TLE2: variants seen among roughly 807,000 people sequenced by gnomAD.
TLE2 encodes the protein transducin-like enhancer protein 2.
TLE2 carries 74 observed loss-of-function variants against 97.2 expected under a neutral mutation model. The observed-to-expected ratio is 0.76, with a 90% CI of 0.63 to 0.92. The LOEUF is 0.92. Among genes scored for constraint, TLE2 ranks in the 40% least tolerant of loss-of-function variants. The pLI, the probability that TLE2 is intolerant of heterozygous loss-of-function variation, is 0.00. For missense variants in TLE2, 1,038 were observed against 1,008.7 expected (o/e 1.03, Z -0.39); for synonymous variants, 499 against 432.1 (o/e 1.15, Z -1.92).
chr19:3,024,032 C>T (rs1230376030), intron 5 of TLE2, among the ~76,000 whole-genome samples: 6 of 141,958 alleles, frequency 4.2e-5, no homozygotes, highest in African/African-American at 1.6e-4. Flanking sequence ...GTCTAACTCT[C>T]TCACCCAGGC....
At chr19:3,042,274 G>A (rs2090109793) in intron 1 of TLE2, among the ~76,000 whole-genome samples, 2 of 123,728 alleles carry the variant, frequency 1.6e-5, no homozygotes, top group African/African-American at 3.2e-5. Flanking sequence ...GGGACCCTGT[G>A]GAGGGGCAGG....
At chr19:3,021,101 A>AT (rs2089829672) in intron 5 of TLE2, among the ~76,000 whole-genome samples, 2 of 121,490 alleles carry the variant, frequency 1.6e-5, no homozygotes, top group South Asian at 3.2e-4. Flanking sequence ...AAAAAAAAAA[A>AT]AAAAAAAAAA....
At chr19:3,020,390 G>A (rs966333810) in intron 5 of TLE2, 1 of 152,088 alleles carries the variant, frequency 6.6e-6, no homozygotes, top group Non-Finnish European at 1.5e-5. Flanking sequence ...CTCCATGCCA[G>A]GGGCACCCCC....
chr19:3,009,552 C>A lies in TLE2; in HGVS notation c.1163G>T (p.Arg388Leu), dbSNP rs375023696. ...PQVSSSVVYG[R>L]SPVMAFESHP... ...CACCCAAGGACTCACCACGGGGGAGCGTCCGTACACCACAGAGCTGCTGAC... is the reference window on the plus strand; with the variant it reads ...CACCCAAGGACTCACCACGGGGGAGAGTCCGTACACCACAGAGCTGCTGAC... Residue 388 changes from arginine to leucine, a missense_variant, in exon 13 of 20, where the codon CGC becomes CTC. Coordinates refer to ENST00000262953, the MANE Select transcript of TLE2 (RefSeq NM_003260.5). 4 of 1,607,746 alleles carry A rather than the reference C, an allele frequency of 2.5e-6. No individual in the cohort carries two copies. In the East Asian group the frequency reaches 8.9e-5, roughly 36 times the overall value.
intron 1 of TLE2, among the ~76,000 whole-genome samples, chr19:3,037,045 G>A (rs754264257): frequency 2.0e-4 from 30 of 152,334 alleles, no homozygotes; most frequent in Middle Eastern, 3.4e-3. Flanking sequence ...AGCACTTCAG[G>A]AGGCCGAGGC....
rs1350120245 is a variant in TLE2, at chr19:3,020,035, C to T, written c.295-262G>A. On this transcript the variant is annotated intron_variant, in intron 5 of 19. Transcript: ENST00000262953. ...TGGTGGCTCACGCCTGGAATCCCAG[C>T]GCTTTGGAAGGCTGAGGTGGGCAGA... 19 of 501,872 alleles carry T rather than the reference C, an allele frequency of 3.8e-5. No homozygotes were observed. In the Admixed American group the frequency reaches 4.1e-4, roughly 11 times the overall value. 31.1% of individuals were successfully genotyped at this position (501,872 alleles called of 1,614,324 possible).
intron 8 of TLE2, among the ~76,000 whole-genome samples, chr19:3,016,296 C>T (rs2034328623): frequency 6.6e-6 from 1 of 150,488 alleles, no homozygotes; most frequent in Admixed American, 6.6e-5. Context: ...ACCATTTTGG[C>T]CGGGCGCAGT....
chr19:3,045,644 A>G (rs1300232521), intron 1 of TLE2: 5 of 375,182 alleles, frequency 1.3e-5, no homozygotes, highest in Non-Finnish European at 2.8e-5. Flanking sequence ...TGGTGAAACC[A>G]CCCCCCACCC....
upstream of TLE2, among the ~76,000 whole-genome samples, chr19:3,031,997 G>A (rs1003722631): frequency 5.9e-5 from 9 of 151,932 alleles, no homozygotes; most frequent in South Asian, 2.1e-4. Flanking sequence ...GCGCGATCTC[G>A]GCTCACTGCT....
intron 18 of TLE2, 45 bp from the exon 19 acceptor site, chr19:3,000,768 A>G: frequency 6.7e-7 from 1 of 1,493,144 alleles, no homozygotes; most frequent in Non-Finnish European, 9.1e-7. Context: ...GGCACTAACG[A>G]GAGACCCGGG....
At chr19:3,008,695 C>A (rs11084989) in intron 14 of TLE2, among the ~76,000 whole-genome samples, 174 bp downstream of exon 14, 30,748 of 152,126 alleles carry the variant, frequency 0.2, 3,419 homozygotes, top group Admixed American at 0.28. Context: ...AAGTGATCCA[C>A]CTGCCTCAGC....
At chr19:3,044,296 A>T (rs1482881902) in intron 1 of TLE2, among the ~76,000 whole-genome samples, 1 of 152,110 alleles carries the variant, frequency 6.6e-6, no homozygotes, top group Non-Finnish European at 1.5e-5. Context: ...ATAATCGCAC[A>T]TCTGGGTGTG....
intron 1 of TLE2, among the ~76,000 whole-genome samples, chr19:3,038,911 C>T (rs1001444848): frequency 3.3e-5 from 5 of 152,064 alleles, no homozygotes; most frequent in Admixed American, 6.5e-5. Context: ...AGGGTGGTGG[C>T]GCATGCCTGT....
intron 12 of TLE2, 40 bp downstream of exon 12, chr19:3,010,982 A>G: frequency 6.3e-7 from 1 of 1,582,150 alleles, no homozygotes; most frequent in Non-Finnish European, 8.6e-7. Context: ...CCCAGAGACG[A>G]GGCCTGCTCC....
At chr19:3,001,654 T>C (rs2089362866) in intron 18 of TLE2, among the ~76,000 whole-genome samples, 1 of 151,916 alleles carries the variant, frequency 6.6e-6, no homozygotes, top group African/African-American at 2.4e-5. Context: ...TGTTTAATTT[T>C]TTTGTAGAGA....
chr19:3,017,884 G>A, intron 7 of TLE2, 25 bp from the exon 8 acceptor site: 9 of 1,609,496 alleles, frequency 5.6e-6, no homozygotes, highest in Non-Finnish European at 7.6e-6. Context: ...ATGGGATAAA[G>A]AGAAAGAAGG....
chr19:3,047,423 A>AC (rs2090153073), upstream of TLE2: 3 of 136,906 alleles, frequency 2.2e-5, no homozygotes, highest in South Asian at 2.4e-4. Flanking sequence ...GGCCTGGGAG[A>AC]CCCCCGGATC....
intron 1 of TLE2, among the ~76,000 whole-genome samples, chr19:3,035,936 C>G (rs990679482): frequency 2.0e-5 from 3 of 152,170 alleles, no homozygotes; most frequent in Non-Finnish European, 4.4e-5. Flanking sequence ...GCGAGTCACC[C>G]CCAAGCCTGG....
intron 18 of TLE2, 91 bp downstream of exon 18, chr19:3,002,262 T>C (rs2089378609): frequency 7.1e-7 from 1 of 1,401,716 alleles, no homozygotes; most frequent in Admixed American, 2.6e-5. Context: ...TAAATAACAT[T>C]ATTTGTTATT....
Sources: gnomAD v4.1 joint callset for allele counts (sites outside exome capture counted in the v4.1 genomes callset) on GRCh38, gnomAD v4.1.1 for gene constraint, MANE v1.5 for transcripts, NCBI Gene and HGNC (gene_info 2026-07-23, HGNC 2026-07-21) for gene names.